The following CA10 variants were observed in gnomAD, a reference collection of about 807,000 sequenced individuals.
CA10 encodes the protein carbonic anhydrase-related protein 10.
CA10 carries 14 observed loss-of-function variants against 44.2 expected under a neutral mutation model. The observed-to-expected ratio is 0.32, with a 90% CI of 0.21 to 0.50. CA10 has a LOEUF of 0.50. CA10 is among the 20% of genes least tolerant of loss of function. The pLI is 0.99. For missense variants in CA10, 350 were observed against 409.7 expected (o/e 0.85, Z 1.26); for synonymous variants, 159 against 141.6 (o/e 1.12, Z -0.87).
At chr17:51,998,290 C>T (rs964149086) in intron 2 of CA10, among the ~76,000 whole-genome samples, 2 of 152,052 alleles carry the variant, frequency 1.3e-5, no homozygotes, top group African/African-American at 2.4e-5. Flanking sequence ...TAATTTTGTG[C>T]TTAATTACAC....
intron 3 of CA10, among the ~76,000 whole-genome samples, chr17:51,894,791 C>T (rs1384456092): frequency 6.6e-6 from 1 of 151,960 alleles, no homozygotes; most frequent in East Asian, 1.9e-4. Flanking sequence ...AACTAATACA[C>T]ATGGAGAACA....
intron 4 of CA10, among the ~76,000 whole-genome samples, chr17:51,715,276 T>C (rs8064619): frequency 0.39 from 59,393 of 151,538 alleles, 12,528 homozygotes; most frequent in Middle Eastern, 0.52. Flanking sequence ...AAATGACGAG[T>C]TAATGGGTGC....
intron 4 of CA10, among the ~76,000 whole-genome samples, chr17:51,737,397 T>C (rs779345702): frequency 6.6e-6 from 1 of 151,478 alleles, no homozygotes; most frequent in Non-Finnish European, 1.5e-5. Flanking sequence ...TATCTTCAGT[T>C]TGGGCTAGAT....
intron 4 of CA10, among the ~76,000 whole-genome samples, chr17:51,704,204 C>T (rs948543555): frequency 1.3e-5 from 2 of 152,172 alleles, no homozygotes; most frequent in African/African-American, 4.8e-5. Context: ...ATCTATCCAC[C>T]TATTCTTCCG....
At chr17:51,855,773 G>A (rs1441564268) in intron 3 of CA10, among the ~76,000 whole-genome samples, 6 of 152,188 alleles carry the variant, frequency 3.9e-5, no homozygotes, top group Non-Finnish European at 8.8e-5. Context: ...GATGAAAGTT[G>A]CAATTAATTC....
intron 4 of CA10, among the ~76,000 whole-genome samples, chr17:51,672,258 C>T (rs1299308446): frequency 6.6e-6 from 1 of 152,206 alleles, no homozygotes; most frequent in Non-Finnish European, 1.5e-5. Flanking sequence ...ACGATGATGG[C>T]TCAATGCCCA....
At chr17:52,008,009 TTA>T (rs762167092) in intron 2 of CA10, among the ~76,000 whole-genome samples, 14 of 151,734 alleles carry the variant, frequency 9.2e-5, no homozygotes, top group Non-Finnish European at 1.9e-4. Flanking sequence ...TACCATAGTT[TTA>T]TCTTTCCACT....
chr17:51,859,538 A>T (rs1052083707), intron 3 of CA10, among the ~76,000 whole-genome samples: 1 of 152,080 alleles, frequency 6.6e-6, no homozygotes, highest in Non-Finnish European at 1.5e-5. Context: ...TTTGTGGTAC[A>T]TGGTTCTCTG....
intron 1 of CA10, among the ~76,000 whole-genome samples, chr17:52,102,933 T>C (rs995180898): frequency 6.6e-6 from 1 of 152,196 alleles, no homozygotes. Flanking sequence ...CGGAAGTCAC[T>C]TACTGTTGAC....
chr17:51,716,580 A>C (rs915543346), intron 4 of CA10, among the ~76,000 whole-genome samples: 5 of 152,120 alleles, frequency 3.3e-5, no homozygotes, highest in Non-Finnish European at 5.9e-5. Flanking sequence ...AGTGGGTAGC[A>C]GGGCTGCCCC....
At chr17:51,965,010 T>C (rs1049510337) in intron 2 of CA10, among the ~76,000 whole-genome samples, 2 of 151,632 alleles carry the variant, frequency 1.3e-5, no homozygotes, top group Non-Finnish European at 3.0e-5. Flanking sequence ...CTACTTAGAT[T>C]AAAAAATAAA....
intron 1 of CA10, among the ~76,000 whole-genome samples, chr17:52,084,072 T>A (rs1428735666): frequency 2.0e-5 from 3 of 152,134 alleles, no homozygotes; most frequent in Non-Finnish European, 4.4e-5. Context: ...TTCGTGCCAT[T>A]TGTGAGTCAA....
intron 4 of CA10, among the ~76,000 whole-genome samples, chr17:51,699,338 A>C (rs1597993372): frequency 6.6e-6 from 1 of 151,722 alleles, no homozygotes; most frequent in East Asian, 1.9e-4. Flanking sequence ...AAAAAAAAAA[A>C]ATTATTTCCT....
intron 1 of CA10, among the ~76,000 whole-genome samples, chr17:52,138,484 A>C (rs1213502378): frequency 6.6e-6 from 1 of 152,220 alleles, no homozygotes. Context: ...TTTTGTATCC[A>C]GTCCCACCCA....
chr17:51,851,687 C>G (rs1051451983), intron 3 of CA10, among the ~76,000 whole-genome samples: 2 of 152,136 alleles, frequency 1.3e-5, no homozygotes, highest in African/African-American at 4.8e-5. Context: ...CCACATATCA[C>G]CCTTTGTCTA....
chr17:52,049,675 T>C (rs1465427233), intron 2 of CA10, among the ~76,000 whole-genome samples: 1 of 152,152 alleles, frequency 6.6e-6, no homozygotes, highest in African/African-American at 2.4e-5. Context: ...ATCATTTGTA[T>C]GTTGGCAGGA....
chr17:51,905,040 C>A (rs181889734), intron 3 of CA10, among the ~76,000 whole-genome samples: 1 of 152,106 alleles, frequency 6.6e-6, no homozygotes, highest in Non-Finnish European at 1.5e-5. Flanking sequence ...ACATTCAGCA[C>A]GATAGATAAT....
intron 4 of CA10, among the ~76,000 whole-genome samples, chr17:51,670,487 C>T (rs1914375445): frequency 6.8e-6 from 1 of 146,128 alleles, no homozygotes; most frequent in Non-Finnish European, 1.5e-5. Context: ...GTCCGCATTC[C>T]TTTTTTTTTT....
chr17:52,132,734 A>C (rs1989269182), intron 1 of CA10, among the ~76,000 whole-genome samples: 1 of 152,292 alleles, frequency 6.6e-6, no homozygotes, highest in South Asian at 2.1e-4. Flanking sequence ...TGGGGCCCTA[A>C]GCCTAGAGAT....
Sources: allele counts gnomAD v4.1 joint callset (sites outside exome capture counted in the v4.1 genomes callset), GRCh38; gene constraint gnomAD v4.1.1; transcripts MANE v1.5; gene names NCBI Gene and HGNC (gene_info 2026-07-23, HGNC 2026-07-21).